Variants in PCGF6 observed in about 807,000 individuals in gnomAD.
PCGF6 encodes polycomb group ring finger 6.
Under a neutral mutation model 45.5 loss-of-function variants are expected in PCGF6, and 24 were observed. That is an observed-to-expected ratio of 0.53 (90% CI 0.38 to 0.74). The LOEUF (loss-of-function observed/expected upper bound fraction) is 0.74, where lower values mean the gene tolerates loss of function less well. Among genes scored for constraint, PCGF6 ranks in the 30% least tolerant of loss-of-function variants. The probability of loss-of-function intolerance (pLI) is 0.00; values close to 1 mark genes in which losing one functional copy is unlikely to be tolerated. For missense variants in PCGF6, 356 were observed against 443.2 expected, an observed-to-expected ratio of 0.80 and a Z score of 1.77; for synonymous variants, 152 against 162.1, an observed-to-expected ratio of 0.94 and a Z score of 0.47.
intron 7 of PCGF6, among the ~76,000 whole-genome samples, chr10:103,327,440 A>C (rs899045931): frequency 7.2e-5 from 11 of 152,174 alleles, no homozygotes; most frequent in African/African-American, 2.7e-4. Flanking sequence ...TGATTGAAAA[A>C]CTATCAACAA....
chr10:103,314,761 C>T (rs910445953), intron 8 of PCGF6, among the ~76,000 whole-genome samples: 1 of 151,790 alleles, frequency 6.6e-6, no homozygotes, highest in African/African-American at 2.4e-5. Flanking sequence ...ACCAGCCTGG[C>T]CAACATGGTG....
intron 8 of PCGF6, among the ~76,000 whole-genome samples, chr10:103,320,953 A>C (rs2093195109): frequency 6.6e-6 from 1 of 152,144 alleles, no homozygotes; most frequent in Non-Finnish European, 1.5e-5. Context: ...AAACCAGCTC[A>C]ATGTTTTGTT....
chr10:103,347,608 C>A (rs1208613432), intron 3 of PCGF6, among the ~76,000 whole-genome samples, 158 bp from the exon 4 acceptor site: 1 of 152,160 alleles, frequency 6.6e-6, no homozygotes, highest in Non-Finnish European at 1.5e-5. Flanking sequence ...ATAACTCACT[C>A]AAGAAAACCT....
intron 9 of PCGF6, among the ~76,000 whole-genome samples, chr10:103,309,584 T>C (rs916895367): frequency 3.3e-5 from 5 of 152,166 alleles, no homozygotes; most frequent in African/African-American, 1.2e-4. Flanking sequence ...TTTATAGCAA[T>C]GTAAGAATGG....
intron 3 of PCGF6, among the ~76,000 whole-genome samples, chr10:103,347,710 C>T (rs2133601353): frequency 6.6e-6 from 1 of 152,182 alleles, no homozygotes; most frequent in East Asian, 1.9e-4. Context: ...GTGTGTGTGA[C>T]AAGGTCTCAC....
At chr10:103,326,292 C>T (rs183904830) in intron 8 of PCGF6, among the ~76,000 whole-genome samples, 230 of 150,382 alleles carry the variant, frequency 1.5e-3, no homozygotes, top group African/African-American at 4.5e-3. Flanking sequence ...GGGAGGCTGA[C>T]GCAGAAGAAT....
intron 6 of PCGF6, among the ~76,000 whole-genome samples, chr10:103,339,866 C>A (rs1347803004): frequency 3.6e-4 from 37 of 102,838 alleles, no homozygotes; most frequent in African/African-American, 4.9e-4. Context: ...CACACACACA[C>A]AAAAGCATCT....
chr10:103,350,489 C>T (rs1043763303), intron 1 of PCGF6, among the ~76,000 whole-genome samples: 8 of 152,174 alleles, frequency 5.3e-5, no homozygotes, highest in African/African-American at 9.6e-5. Flanking sequence ...AAGTGACCTG[C>T]AAGAACTTCA....
At chr10:103,314,099 G>A (rs935057538) in intron 9 of PCGF6, 87 bp downstream of exon 9, 11 of 655,360 alleles carry the variant, frequency 1.7e-5, no homozygotes, top group Non-Finnish European at 2.8e-5. Flanking sequence ...TAAGAGTATT[G>A]TAGAATATTT....
chr10:103,317,618 C>T (rs2093180742), intron 8 of PCGF6, among the ~76,000 whole-genome samples: 1 of 151,722 alleles, frequency 6.6e-6, no homozygotes, highest in Admixed American at 6.6e-5. Context: ...CAAGCCTGGG[C>T]AACAAAACGA....
intron 5 of PCGF6, 84 bp from the exon 6 acceptor site, chr10:103,345,216 ATTATG>A (rs2093295004): frequency 1.1e-6 from 1 of 944,696 alleles, no homozygotes; most frequent in East Asian, 2.6e-5. Context: ...AAGTATTATA[ATTATG>A]TTGAGTATTT....
intron 9 of PCGF6, among the ~76,000 whole-genome samples, chr10:103,311,607 A>G (rs576556549): frequency 1.3e-4 from 19 of 151,518 alleles, no homozygotes; most frequent in Non-Finnish European, 2.1e-4. Context: ...CACCGCACCT[A>G]GCCGCATTTC....
chr10:103,322,426 A>G lies in PCGF6; in HGVS notation c.909+4108T>C, dbSNP rs113207546. Among the ~76,000 whole-genome samples the G allele has an allele frequency of 4.8e-3, 733 of 151,426 alleles. 3 individuals carry two copies. Among genetic ancestry groups the G allele is most frequent in the African/African-American group, 0.015 (626 of 41,354 alleles). On this transcript the variant is annotated intron_variant, in intron 8 of 9. Transcript: ENST00000369847. Reference sequence around the variant, plus strand: ...TCGCTATGTTGCCCAGGCTGGTCTCAAACTCCTGGGCTCAAGCTATCCATC... The same window carrying G: ...TCGCTATGTTGCCCAGGCTGGTCTCGAACTCCTGGGCTCAAGCTATCCATC...
At chr10:103,318,247 A>G (rs1170070719) in intron 8 of PCGF6, among the ~76,000 whole-genome samples, 1 of 150,338 alleles carries the variant, frequency 6.7e-6, no homozygotes, top group Non-Finnish European at 1.5e-5. Context: ...GTTCGAGACC[A>G]GCTTGGCCAA....
intron 9 of PCGF6, among the ~76,000 whole-genome samples, chr10:103,309,890 C>T (rs2093150795): frequency 6.6e-6 from 1 of 151,834 alleles, no homozygotes; most frequent in Non-Finnish European, 1.5e-5. Flanking sequence ...TACACTGAGC[C>T]ATGATTGTGC....
At chr10:103,340,007 C>CAAAAAAAA (rs60211186) in intron 6 of PCGF6, among the ~76,000 whole-genome samples, 17 of 60,138 alleles carry the variant, frequency 2.8e-4, no homozygotes, top group East Asian at 4.9e-4. Flanking sequence ...ACTAAAAATA[C>CAAAAAAAA]AAAAAAAAAA....
chr10:103,350,564 C>T (rs968822178), intron 1 of PCGF6, 143 bp downstream of exon 1: 9 of 768,322 alleles, frequency 1.2e-5, no homozygotes, highest in Admixed American at 8.4e-5. Context: ...CCTAGGCAGC[C>T]GGGGCAGAGG....
At chr10:103,343,094 A>G (rs1429923325) in intron 6 of PCGF6, among the ~76,000 whole-genome samples, 1 of 151,890 alleles carries the variant, frequency 6.6e-6, no homozygotes, top group African/African-American at 2.4e-5. Flanking sequence ...ACGACCAGCT[A>G]ATTTTTTGTA....
intron 6 of PCGF6, among the ~76,000 whole-genome samples, chr10:103,341,782 A>C (rs1312565235): frequency 3.3e-5 from 5 of 152,010 alleles, no homozygotes; most frequent in Non-Finnish European, 4.4e-5. Context: ...CTAGTCATTA[A>C]AAGATATTAC....
Sources: gnomAD v4.1 joint callset for allele counts (sites outside exome capture counted in the v4.1 genomes callset) on GRCh38, gnomAD v4.1.1 for gene constraint, MANE v1.5 for transcripts, NCBI Gene and HGNC (gene_info 2026-07-23, HGNC 2026-07-21) for gene names.